STARD13: variants seen among roughly 807,000 people sequenced by gnomAD.
STARD13 encodes StAR related lipid transfer domain containing 13.
A neutral mutation model predicts 106.4 loss-of-function variants in STARD13; 62 were observed. That is an observed-to-expected ratio of 0.58 (90% confidence interval 0.48 to 0.72). The LOEUF (loss-of-function observed/expected upper bound fraction) is 0.72. Ranked by LOEUF, STARD13 falls within the 30% of genes least tolerant of loss-of-function variation. The probability of loss-of-function intolerance (pLI) is 0.00; values close to 1 mark genes in which losing one functional copy is unlikely to be tolerated. For synonymous variants in STARD13, 565 were observed against 553.0 expected (o/e 1.02, Z -0.31); for missense variants, 1,387 against 1,424.0 (o/e 0.97, Z 0.42).
chr13:33,539,204 A>T, the STARD13 span, among the ~76,000 whole-genome samples: 1 of 152,242 alleles, frequency 6.6e-6, no homozygotes, highest in Non-Finnish European at 1.5e-5. Flanking sequence ...GTTGGAAGAA[A>T]CTTAACAATG....
rs1316395313 is a variant in STARD13, at chr13:33,109,756, C to T, written c.3047+117G>A. 12 of 903,592 alleles carry T rather than the reference C, an allele frequency of 1.3e-5. No homozygotes were observed. In the East Asian group the frequency reaches 3.1e-4, roughly 24 times the overall value. 56.0% of individuals were successfully genotyped at this position (903,592 alleles called of 1,614,324 possible). A position where few individuals can be genotyped will look rare whatever the true frequency, so the allele number is the denominator to read the frequency against. On this transcript the variant is annotated intron_variant, in intron 12 of 13. Transcript: ENST00000336934. ...TGTCACTGAGGGAAACAAGAGCCGG[C>T]TTAGTGTTCCCCGTGGAGGCTGGAC...
chr13:33,638,710 A>G, the STARD13 span, among the ~76,000 whole-genome samples: 1 of 152,160 alleles, frequency 6.6e-6, no homozygotes, highest in South Asian at 2.1e-4. Context: ...TAAAAGGAGG[A>G]AGGCATAATG....
At chr13:33,368,378 A>G in the STARD13 span, among the ~76,000 whole-genome samples, 1 of 152,224 alleles carries the variant, frequency 6.6e-6, no homozygotes, top group African/African-American at 2.4e-5. Context: ...CCTTCTATGT[A>G]CCAGACACTG....
the STARD13 span, among the ~76,000 whole-genome samples, chr13:33,603,472 A>G: frequency 6.6e-6 from 1 of 152,152 alleles, no homozygotes; most frequent in Non-Finnish European, 1.5e-5. Flanking sequence ...TACACACACA[A>G]CAAAAGGGTA....
At chr13:33,391,206 T>C in the STARD13 span, among the ~76,000 whole-genome samples, 2 of 152,162 alleles carry the variant, frequency 1.3e-5, no homozygotes, top group African/African-American at 2.4e-5. Flanking sequence ...AGGTTTAACA[T>C]TGTGATTGTG....
chr13:33,464,857 G>A, the STARD13 span, among the ~76,000 whole-genome samples: 23,436 of 151,940 alleles, frequency 0.15, 2,587 homozygotes, highest in African/African-American at 0.31. Context: ...ATTGTTGAAC[G>A]CCTGCTATGT....
chr13:33,452,652 T>C, the STARD13 span, among the ~76,000 whole-genome samples: 3 of 152,172 alleles, frequency 2.0e-5, no homozygotes, highest in East Asian at 1.9e-4. Context: ...GCAACTCTTC[T>C]CCATTGTCTG....
the STARD13 span, among the ~76,000 whole-genome samples, chr13:33,441,644 G>A: frequency 1.3e-5 from 2 of 152,266 alleles, no homozygotes; most frequent in Admixed American, 6.5e-5. Flanking sequence ...AGATGCTTAC[G>A]ATTATTAACT....
chr13:33,646,568 G>T, the STARD13 span, among the ~76,000 whole-genome samples: 1 of 152,136 alleles, frequency 6.6e-6, no homozygotes, highest in Non-Finnish European at 1.5e-5. Flanking sequence ...TGGGGATAAA[G>T]TTGCTATTGG....
chr13:33,542,836 G>T, the STARD13 span, among the ~76,000 whole-genome samples: 1 of 152,194 alleles, frequency 6.6e-6, no homozygotes, highest in Non-Finnish European at 1.5e-5. Flanking sequence ...GCGCCATCTG[G>T]TGCCGAGTCT....
chr13:33,455,938 G>A, the STARD13 span, among the ~76,000 whole-genome samples: 2 of 152,046 alleles, frequency 1.3e-5, no homozygotes, highest in South Asian at 2.1e-4. Context: ...GCAAGACTCC[G>A]TCTCAACAAA....
At chr13:33,650,699 C>A in the STARD13 span, among the ~76,000 whole-genome samples, 4 of 152,228 alleles carry the variant, frequency 2.6e-5, no homozygotes, top group African/African-American at 9.6e-5. Flanking sequence ...CTCCAAAATT[C>A]ATATGTTGGA....
At chr13:33,308,478 A>G (rs1045178018) in intron 1 of STARD13, among the ~76,000 whole-genome samples, 1 of 129,742 alleles carries the variant, frequency 7.7e-6, no homozygotes. Context: ...TATTTTTCTA[A>G]TTTCTTTTTC....
intron 3 of STARD13, among the ~76,000 whole-genome samples, chr13:33,163,623 T>TATAA (rs1555239837): frequency 8.4e-6 from 1 of 118,590 alleles, no homozygotes; most frequent in African/African-American, 3.8e-5. Flanking sequence ...TATATATATA[T>TATAA]AAAACATATA....
the STARD13 span, among the ~76,000 whole-genome samples, chr13:33,510,669 T>C: frequency 6.6e-6 from 1 of 152,196 alleles, no homozygotes; most frequent in African/African-American, 2.4e-5. Context: ...TTACTAGAAA[T>C]TCCAGCTGCC....
the STARD13 span, among the ~76,000 whole-genome samples, chr13:33,583,407 C>T: frequency 6.6e-6 from 1 of 152,164 alleles, no homozygotes; most frequent in Non-Finnish European, 1.5e-5. Context: ...CAAAATATGC[C>T]TATCATTTCC....
At chr13:33,331,526 A>ATTTTTTT (rs35827468) in intron 1 of STARD13, among the ~76,000 whole-genome samples, 20,524 of 129,766 alleles carry the variant, frequency 0.16, 1,839 homozygotes, top group Non-Finnish European at 0.21. Context: ...CTGATTTTGT[A>ATTTTTTT]TTTTTTTTTT....
At chr13:33,116,192 G>T (rs562066125) in intron 8 of STARD13, among the ~76,000 whole-genome samples, 2 of 152,272 alleles carry the variant, frequency 1.3e-5, no homozygotes, top group East Asian at 3.9e-4. Context: ...ATACATGCAA[G>T]CCAGATGAAT....
the STARD13 span, among the ~76,000 whole-genome samples, chr13:33,466,384 C>T: frequency 3.3e-5 from 5 of 152,088 alleles, no homozygotes; most frequent in Non-Finnish European, 7.4e-5. Flanking sequence ...TACCCTGCAT[C>T]CCTCTCCTAT....
Sources: allele counts gnomAD v4.1 joint callset (sites outside exome capture counted in the v4.1 genomes callset), GRCh38; gene constraint gnomAD v4.1.1; transcripts MANE v1.5; gene names NCBI Gene and HGNC (gene_info 2026-07-23, HGNC 2026-07-21).